Variants in CPEB3 observed in about 807,000 individuals in gnomAD.
The protein encoded by CPEB3 is cytoplasmic polyadenylation element binding protein 3.
Under a neutral mutation model 67.2 loss-of-function variants are expected in CPEB3, and 20 were observed. The observed-to-expected ratio is 0.30, with a 90% CI of 0.21 to 0.43. The LOEUF (loss-of-function observed/expected upper bound fraction) is 0.43. Among genes scored for constraint, CPEB3 ranks in the 20% least tolerant of loss-of-function variants. The pLI is 1.00. For synonymous variants in CPEB3, 376 were observed against 393.1 expected (o/e 0.96, Z 0.51); for missense variants, 746 against 968.6 (o/e 0.77, Z 3.05).
intron 1 of CPEB3, among the ~76,000 whole-genome samples, chr10:92,244,062 T>A (rs1013652991): frequency 6.6e-6 from 1 of 152,128 alleles, no homozygotes; most frequent in African/African-American, 2.4e-5. Flanking sequence ...CAATTGTATA[T>A]GTTGCCGGGC....
At chr10:92,188,320 T>TAAAAAAAAAAAA (rs756970118) in intron 3 of CPEB3, among the ~76,000 whole-genome samples, 9 of 36,974 alleles carry the variant, frequency 2.4e-4, no homozygotes, top group East Asian at 8.8e-4. Context: ...TAAGACATAG[T>TAAAAAAAAAAAA]AAAAAAAAAA....
upstream of CPEB3, chr10:92,291,192 G>A (rs1168356538): frequency 1.8e-5 from 9 of 502,184 alleles, no homozygotes; most frequent in East Asian, 3.4e-4. Context: ...CTCCTCCGCC[G>A]GCAGCAACTC....
At chr10:92,105,942 G>A (rs1456296744) in intron 7 of CPEB3, among the ~76,000 whole-genome samples, 1 of 152,156 alleles carries the variant, frequency 6.6e-6, no homozygotes, top group East Asian at 1.9e-4. Context: ...ACCCAGGCTA[G>A]AGTGCGATGG....
intron 3 of CPEB3, among the ~76,000 whole-genome samples, chr10:92,184,253 C>A (rs1348244098): frequency 6.6e-6 from 1 of 152,180 alleles, no homozygotes; most frequent in East Asian, 1.9e-4. Flanking sequence ...CTCTCTAATT[C>A]TTTGACCTCT....
At chr10:92,183,095 T>A (rs1174555286) in intron 3 of CPEB3, among the ~76,000 whole-genome samples, 1 of 152,180 alleles carries the variant, frequency 6.6e-6, no homozygotes, top group African/African-American at 2.4e-5. Context: ...GCAGAGACAA[T>A]TTTGCTAGCA....
At chr10:92,189,280 C>T (rs963681196) in intron 3 of CPEB3, among the ~76,000 whole-genome samples, 16 of 152,122 alleles carry the variant, frequency 1.1e-4, no homozygotes, top group African/African-American at 3.6e-4. Flanking sequence ...CTTCAATAAT[C>T]ACTACTTATG....
At chr10:92,258,770 G>A (rs2134868701) in intron 1 of CPEB3, among the ~76,000 whole-genome samples, 1 of 148,824 alleles carries the variant, frequency 6.7e-6, no homozygotes, top group South Asian at 2.1e-4. Context: ...AGAGTCTCTT[G>A]ACTCAGCTTC....
chr10:92,111,365 T>C (rs1844733204), intron 6 of CPEB3, among the ~76,000 whole-genome samples, 171 bp from the exon 7 acceptor site: 1 of 152,254 alleles, frequency 6.6e-6, no homozygotes, highest in Non-Finnish European at 1.5e-5. Context: ...TCATTGATAT[T>C]ACCTTGTTTA....
intron 9 of CPEB3, among the ~76,000 whole-genome samples, chr10:92,060,735 T>C (rs761452884): frequency 8.5e-5 from 13 of 152,078 alleles, no homozygotes; most frequent in Non-Finnish European, 1.3e-4. Flanking sequence ...AAAGAAGACA[T>C]ACAGATGGCA....
At chr10:92,159,944 CTTT>C (rs368362388) in intron 4 of CPEB3, among the ~76,000 whole-genome samples, 7 of 143,998 alleles carry the variant, frequency 4.9e-5, no homozygotes, top group Non-Finnish European at 1.1e-4. Flanking sequence ...TGAAAAAAAT[CTTT>C]TTTTTTTTTT....
chr10:92,145,717 T>G (rs1010833487), intron 4 of CPEB3, among the ~76,000 whole-genome samples: 1 of 152,156 alleles, frequency 6.6e-6, no homozygotes, highest in Non-Finnish European at 1.5e-5. Flanking sequence ...GTCTCTATCA[T>G]AGCTACTAGG....
At chr10:92,230,607 A>G (rs1851220769) in intron 2 of CPEB3, among the ~76,000 whole-genome samples, 1 of 152,236 alleles carries the variant, frequency 6.6e-6, no homozygotes, top group Admixed American at 6.5e-5. Flanking sequence ...AAATGCAAAT[A>G]TTGGAATGGT....
intron 2 of CPEB3, among the ~76,000 whole-genome samples, chr10:92,199,372 CAAA>C (rs1849397116): frequency 9.1e-6 from 1 of 109,732 alleles, no homozygotes. Context: ...GCCTGGGCAA[CAAA>C]AGTGAAACTC....
chr10:92,279,061 C>T (rs1590608213), intron 1 of CPEB3, among the ~76,000 whole-genome samples: 1 of 152,056 alleles, frequency 6.6e-6, no homozygotes, highest in Non-Finnish European at 1.5e-5. Context: ...CTGGCTAGAA[C>T]CTCCAGTACA....
chr10:92,079,925 G>C (rs1564760905), intron 9 of CPEB3, among the ~76,000 whole-genome samples: 2 of 151,934 alleles, frequency 1.3e-5, no homozygotes, highest in African/African-American at 4.8e-5. Context: ...GCTCGGCCAG[G>C]CGCGGTGGCT....
At chr10:92,114,150 A>G (rs990206241) in intron 6 of CPEB3, among the ~76,000 whole-genome samples, 1 of 152,078 alleles carries the variant, frequency 6.6e-6, no homozygotes, top group African/African-American at 2.4e-5. Context: ...TTCTAACTCT[A>G]CTTCCCACTT....
rs545602401 is a variant in CPEB3 at position 92,057,225 on chromosome 10, G to C, written c.1870-4786C>G. Among the ~76,000 whole-genome samples, 5 of 152,290 alleles carry C rather than the reference G, an allele frequency of 3.3e-5. No homozygotes were observed. The East Asian group carries it at 9.6e-4, about 29-fold the overall frequency. On this transcript the variant is annotated intron_variant, in intron 9 of 9. Coordinates refer to ENST00000265997, the MANE Select transcript of CPEB3 (RefSeq NM_014912.5). ...TCTGGACCTGCCCTGGGCCAGAGGG[G>C]AGCCTAGTGCCCTGAAATATGGGTT...
At chr10:92,137,544 C>T (rs1846162441) in intron 6 of CPEB3, 1 of 776,144 alleles carries the variant, frequency 1.3e-6, no homozygotes, top group Non-Finnish European at 2.3e-6. Flanking sequence ...TAAGGGACCC[C>T]ATTTGGATTC....
At chr10:92,144,179 A>C (rs1400708719) in intron 5 of CPEB3, among the ~76,000 whole-genome samples, 1 of 152,246 alleles carries the variant, frequency 6.6e-6, no homozygotes, top group African/African-American at 2.4e-5. Context: ...TTGGACTGAT[A>C]GCATCTCAAA....
Sources: allele counts gnomAD v4.1 joint callset (sites outside exome capture counted in the v4.1 genomes callset), GRCh38; gene constraint gnomAD v4.1.1; transcripts MANE v1.5; gene names NCBI Gene and HGNC (gene_info 2026-07-23, HGNC 2026-07-21).